SIL1: variants seen among roughly 807,000 people sequenced by gnomAD.
SIL1 encodes nucleotide exchange factor SIL1.
In SIL1, 40 loss-of-function variants were observed where a neutral mutation model predicts 49.1. The observed-to-expected ratio is 0.81, with a 90% CI of 0.63 to 1.06. The LOEUF is 1.06. Among genes scored for constraint, SIL1 ranks in the 50% least tolerant of loss-of-function variants. The probability of loss-of-function intolerance (pLI) is 0.00; values close to 1 mark genes in which losing one functional copy is unlikely to be tolerated. For missense variants in SIL1, 500 were observed against 572.6 expected, an observed-to-expected ratio of 0.87 and a Z score of 1.29; for synonymous variants, 253 against 250.8, an observed-to-expected ratio of 1.01 and a Z score of -0.08.
chr5:139,091,258 TATC>T (rs1238152548), intron 3 of SIL1, among the ~76,000 whole-genome samples: 9 of 151,740 alleles, frequency 5.9e-5, no homozygotes, highest in South Asian at 2.1e-4. Context: ...CATGGAAAAA[TATC>T]ATAAGCAAAA....
chr5:139,175,963 A>G (rs922073338), intron 1 of SIL1, among the ~76,000 whole-genome samples: 2 of 152,176 alleles, frequency 1.3e-5, no homozygotes, highest in Non-Finnish European at 2.9e-5. Flanking sequence ...CAGTCTCAAA[A>G]AGAAAAAAAA....
chr5:139,032,288 G>C (rs1768811101), intron 5 of SIL1, among the ~76,000 whole-genome samples: 1 of 152,150 alleles, frequency 6.6e-6, no homozygotes, highest in Non-Finnish European at 1.5e-5. Flanking sequence ...ACTGAATATG[G>C]TCAAATGCTC....
intron 3 of SIL1, among the ~76,000 whole-genome samples, chr5:139,088,154 C>T (rs10035771): frequency 4.6e-5 from 7 of 152,374 alleles, no homozygotes; most frequent in Non-Finnish European, 7.3e-5. Flanking sequence ...ATCTGACCCT[C>T]TGCTTCCTGC....
intron 1 of SIL1, among the ~76,000 whole-genome samples, chr5:139,149,766 T>C (rs997931606): frequency 6.6e-6 from 1 of 152,272 alleles, no homozygotes; most frequent in African/African-American, 2.4e-5. Flanking sequence ...GAGTGGTTTT[T>C]TAAAGGCCTG....
At chr5:139,118,192 G>C (rs1771038518) in intron 3 of SIL1, among the ~76,000 whole-genome samples, 1 of 152,164 alleles carries the variant, frequency 6.6e-6, no homozygotes. Flanking sequence ...TCTCTGTTGA[G>C]GGAGAGAGGA....
At chr5:138,995,585 AT>A (rs1166966354) in intron 7 of SIL1, among the ~76,000 whole-genome samples, 4 of 152,326 alleles carry the variant, frequency 2.6e-5, no homozygotes, top group African/African-American at 4.8e-5. Flanking sequence ...CATTCCAGTT[AT>A]TTTGAAATAT....
At position 138,993,217 on chromosome 5, in the gene SIL1, C is replaced by G. The variant is rs929867508; in HGVS notation, c.767+27954G>C. On this transcript the variant is annotated intron_variant, in intron 7 of 9. Coordinates refer to ENST00000394817, the MANE Select transcript of SIL1 (RefSeq NM_022464.5). ...CCTTTACCTCCTCTTCTATGTCGCT[C>G]CTTCCACCCTGCTCCCTGGAATGCA... 3.3e-5 allele frequency among the ~76,000 whole-genome samples: 5 copies of G among 152,278 alleles called. No individual in the cohort carries two copies. In the East Asian group the frequency reaches 7.7e-4, roughly 24 times the overall value.
At chr5:139,066,193 C>T (rs140149568) in intron 3 of SIL1, among the ~76,000 whole-genome samples, 54 of 152,292 alleles carry the variant, frequency 3.5e-4, no homozygotes, top group African/African-American at 1.3e-3. Context: ...ACCAATAATA[C>T]TATCTCATGG....
intron 1 of SIL1, among the ~76,000 whole-genome samples, chr5:139,177,596 T>C (rs1217886020): frequency 6.6e-6 from 1 of 151,826 alleles, no homozygotes; most frequent in Admixed American, 6.6e-5. Context: ...TCCTAACCAC[T>C]ATGCAGCATG....
intron 3 of SIL1, among the ~76,000 whole-genome samples, chr5:139,072,114 A>G (rs1347166702): frequency 6.6e-6 from 1 of 152,198 alleles, no homozygotes; most frequent in Non-Finnish European, 1.5e-5. Context: ...ATATTTTAAA[A>G]AGAAAAAGGG....
chr5:139,133,126 C>T (rs1482766087), intron 1 of SIL1, among the ~76,000 whole-genome samples: 1 of 152,232 alleles, frequency 6.6e-6, no homozygotes, highest in East Asian at 1.9e-4. Flanking sequence ...TACATCTTTA[C>T]ATTTATGGCC....
In SIL1 at chr5:139,142,878, C is replaced by T. The variant is rs546333567; in HGVS notation, c.-10-15025G>A. Reference sequence around the variant, plus strand: ...CTGCCTTCCGGGTTCACGCCATTCTCCTGCATCAGCCTCCTGAGTAGCTGG... The same window carrying T: ...CTGCCTTCCGGGTTCACGCCATTCTTCTGCATCAGCCTCCTGAGTAGCTGG... On this transcript the variant is annotated intron_variant, in intron 1 of 9. Coordinates refer to ENST00000394817, the MANE Select transcript of SIL1 (RefSeq NM_022464.5). Among the ~76,000 whole-genome samples the T allele has an allele frequency of 2.6e-5, 4 of 152,224 alleles. No individual in the cohort carries two copies. The South Asian group carries it at 8.3e-4, about 32-fold the overall frequency.
intron 1 of SIL1, among the ~76,000 whole-genome samples, chr5:139,195,548 C>T (rs1180400491): frequency 2.6e-5 from 4 of 152,100 alleles, no homozygotes; most frequent in African/African-American, 9.7e-5. Context: ...CCACCTCGCC[C>T]GGGTAATTTT....
intron 1 of SIL1, among the ~76,000 whole-genome samples, chr5:139,193,072 A>G (rs1326790059): frequency 6.6e-6 from 1 of 151,512 alleles, no homozygotes; most frequent in African/African-American, 2.4e-5. Flanking sequence ...TTTCTTCTGG[A>G]TAAAAAACTG....
rs138147432 is a variant in SIL1 at position 139,146,155 on chromosome 5, A to G, written c.-10-18302T>C. Reference sequence around the variant, plus strand: ...TGCTGTGCCCAGCCTTCTGCTGTATATATTTTATCATACTAAAAAATTAAA... The same window carrying G: ...TGCTGTGCCCAGCCTTCTGCTGTATGTATTTTATCATACTAAAAAATTAAA... On this transcript the variant is annotated intron_variant, in intron 1 of 9. Coordinates refer to ENST00000394817, the MANE Select transcript of SIL1 (RefSeq NM_022464.5). Among the ~76,000 whole-genome samples the G allele has an allele frequency of 4.9e-3, 744 of 152,322 alleles. 7 individuals are homozygous for G. In the South Asian group the frequency reaches 0.054, roughly 11 times the overall value.
intron 7 of SIL1, among the ~76,000 whole-genome samples, chr5:138,971,082 A>G (rs1335278326): frequency 6.6e-6 from 1 of 152,304 alleles, no homozygotes; most frequent in East Asian, 1.9e-4. Flanking sequence ...AAAGATTAAC[A>G]GCCTCACCAC....
At chr5:139,185,623 T>C (rs1034211196) in intron 1 of SIL1, among the ~76,000 whole-genome samples, 2 of 152,196 alleles carry the variant, frequency 1.3e-5, no homozygotes, top group Admixed American at 6.5e-5. Flanking sequence ...CAAAGACATA[T>C]AGTGAAAAGT....
chr5:139,183,255 C>T (rs1752023828), intron 1 of SIL1, among the ~76,000 whole-genome samples: 1 of 152,316 alleles, frequency 6.6e-6, no homozygotes. Flanking sequence ...AGAAGCCTTC[C>T]CTACTCCATG....
intron 7 of SIL1, among the ~76,000 whole-genome samples, chr5:138,985,560 C>T (rs1185855954): frequency 1.3e-5 from 2 of 152,176 alleles, no homozygotes; most frequent in Admixed American, 1.3e-4. Context: ...CATGGGTATA[C>T]AATTCAGGAA....
Sources: gnomAD v4.1 joint callset for allele counts (sites outside exome capture counted in the v4.1 genomes callset) on GRCh38, gnomAD v4.1.1 for gene constraint, MANE v1.5 for transcripts, NCBI Gene and HGNC (gene_info 2026-07-23, HGNC 2026-07-21) for gene names.